EPHB1: variants seen among roughly 807,000 people sequenced by gnomAD.
EPHB1 encodes the protein ephrin type-B receptor 1.
A neutral mutation model predicts 94.4 loss-of-function variants in EPHB1; 30 were observed. The observed-to-expected ratio is 0.32, with a 90% CI of 0.24 to 0.43. EPHB1 has a LOEUF of 0.43. EPHB1 is among the 20% of genes least tolerant of loss of function. The pLI is 1.00. For missense variants in EPHB1, 1,055 were observed against 1,308.3 expected (o/e 0.81, Z 2.99); for synonymous variants, 522 against 489.1 (o/e 1.07, Z -0.89).
intron 1 of EPHB1, among the ~76,000 whole-genome samples, chr3:134,805,238 C>G (rs1052253022): frequency 6.6e-6 from 1 of 152,112 alleles, no homozygotes; most frequent in East Asian, 1.9e-4. Context: ...ACCAGAAAGC[C>G]CATCCGGGGA....
At chr3:135,258,073 C>T (rs1295408761) in intron 15 of EPHB1, among the ~76,000 whole-genome samples, 1 of 152,124 alleles carries the variant, frequency 6.6e-6, no homozygotes, top group African/African-American at 2.4e-5. Flanking sequence ...TGCTTCGGCT[C>T]GTGCACGCAC....
intron 6 of EPHB1, among the ~76,000 whole-genome samples, chr3:135,156,555 C>T (rs987827366): frequency 8.5e-5 from 13 of 152,176 alleles, no homozygotes; most frequent in Non-Finnish European, 1.3e-4. Flanking sequence ...TCCCTGAAAG[C>T]GGAGGTCTAG....
chr3:135,167,599 C>T (rs543209467), intron 9 of EPHB1, among the ~76,000 whole-genome samples: 26 of 152,268 alleles, frequency 1.7e-4, no homozygotes, highest in African/African-American at 5.5e-4. Context: ...CACCAAGGTG[C>T]AACATAAAGT....
At chr3:134,926,881 G>A (rs903491011) in intron 2 of EPHB1, among the ~76,000 whole-genome samples, 2 of 152,186 alleles carry the variant, frequency 1.3e-5, no homozygotes, top group African/African-American at 4.8e-5. Flanking sequence ...GATATGCAGA[G>A]GCTAGTTTGA....
At chr3:134,881,498 G>A (rs920043685) in intron 1 of EPHB1, among the ~76,000 whole-genome samples, 4 of 152,068 alleles carry the variant, frequency 2.6e-5, no homozygotes, top group Non-Finnish European at 4.4e-5. Flanking sequence ...CTCACCTGGG[G>A]CCCCACCTGC....
intron 1 of EPHB1, among the ~76,000 whole-genome samples, chr3:134,893,945 A>G (rs2038037625): frequency 6.6e-6 from 1 of 152,236 alleles, no homozygotes; most frequent in Admixed American, 6.5e-5. Context: ...GAAGGCAGGA[A>G]TGAATGCCAA....
intron 3 of EPHB1, among the ~76,000 whole-genome samples, chr3:135,015,123 C>T (rs917141310): frequency 6.6e-6 from 1 of 152,154 alleles, no homozygotes; most frequent in African/African-American, 2.4e-5. Flanking sequence ...CGTGGCCATT[C>T]CAGCAACTGC....
chr3:134,865,167 C>A (rs2037348397), intron 1 of EPHB1, among the ~76,000 whole-genome samples: 1 of 152,034 alleles, frequency 6.6e-6, no homozygotes, highest in African/African-American at 2.4e-5. Flanking sequence ...ATTCCCAAAA[C>A]AATGCTTACC....
chr3:134,994,292 A>C (rs76678996), intron 3 of EPHB1, among the ~76,000 whole-genome samples: 1 of 152,364 alleles, frequency 6.6e-6, no homozygotes, highest in East Asian at 1.9e-4. Flanking sequence ...ATGAAATATC[A>C]TGATAGTGGG....
chr3:134,962,270 A>T (rs912178102), intron 3 of EPHB1, among the ~76,000 whole-genome samples: 1 of 152,228 alleles, frequency 6.6e-6, no homozygotes, highest in South Asian at 2.1e-4. Flanking sequence ...AGACTCAAGC[A>T]TTCCAGTAGA....
At position 135,106,532 on chromosome 3, in the gene EPHB1, C is replaced by G; in HGVS notation, c.890C>G (p.Ala297Gly). 1 of 1,614,048 alleles carries G rather than the reference C, an allele frequency of 6.2e-7. No homozygotes were observed. Among genetic ancestry groups the G allele is most frequent in the East Asian group, 2.2e-5 (1 of 44,884 alleles). Residue 297 changes from alanine to glycine, a missense_variant, in exon 4 of 16, where the codon GCG becomes GGG. Coordinates refer to ENST00000398015, the MANE Select transcript of EPHB1 (RefSeq NM_004441.5). ...CPSNSRSPAE[A>G]SPICTCRTGY... ...TCCAACAGCCGCTCCCCTGCAGAGG[C>G]GTCTCCCATCTGCACCTGTCGGACC...
At chr3:134,938,796 G>T (rs572280796) in intron 2 of EPHB1, among the ~76,000 whole-genome samples, 3 of 152,126 alleles carry the variant, frequency 2.0e-5, no homozygotes, top group Non-Finnish European at 4.4e-5. Context: ...TCACGAGATA[G>T]GTACTATTAG....
At chr3:134,804,009 T>A (rs1227315100) in intron 1 of EPHB1, among the ~76,000 whole-genome samples, 1 of 151,916 alleles carries the variant, frequency 6.6e-6, no homozygotes, top group East Asian at 1.9e-4. Context: ...CATTTCCCTG[T>A]TACACATTGC....
intron 1 of EPHB1, among the ~76,000 whole-genome samples, chr3:134,848,811 C>T (rs2036923243): frequency 6.6e-6 from 1 of 152,206 alleles, no homozygotes; most frequent in South Asian, 2.1e-4. Flanking sequence ...TTGCAGCCCA[C>T]TAAATCTTGT....
intron 12 of EPHB1, among the ~76,000 whole-genome samples, chr3:135,202,434 A>G (rs1221808427): frequency 1.3e-5 from 2 of 152,082 alleles, no homozygotes; most frequent in East Asian, 3.9e-4. Flanking sequence ...AGGGTACCAA[A>G]AAATCTATCC....
chr3:135,061,624 T>G (rs1411875103), intron 3 of EPHB1, among the ~76,000 whole-genome samples: 1 of 152,038 alleles, frequency 6.6e-6, no homozygotes, highest in Non-Finnish European at 1.5e-5. Flanking sequence ...TACTTTAAGT[T>G]TTAGGGTACA....
chr3:134,812,714 A>G (rs753224914), intron 1 of EPHB1, among the ~76,000 whole-genome samples: 3 of 152,150 alleles, frequency 2.0e-5, no homozygotes, highest in Non-Finnish European at 4.4e-5. Flanking sequence ...AGTGTCTTGC[A>G]TTTCCTCCAG....
At chr3:135,250,120 G>T (rs1268215710) in intron 15 of EPHB1, among the ~76,000 whole-genome samples, 1 of 152,148 alleles carries the variant, frequency 6.6e-6, no homozygotes, top group Admixed American at 6.5e-5. Flanking sequence ...TTGGAAAAAA[G>T]GTCCCACTGT....
chr3:134,855,982 G>A (rs2037108108), intron 1 of EPHB1, among the ~76,000 whole-genome samples: 2 of 152,192 alleles, frequency 1.3e-5, no homozygotes, highest in Admixed American at 6.5e-5. Context: ...CTACTAAAGG[G>A]TGGAGTCAGG....
Sources: gnomAD v4.1 joint callset for allele counts (sites outside exome capture counted in the v4.1 genomes callset) on GRCh38, gnomAD v4.1.1 for gene constraint, MANE v1.5 for transcripts, NCBI Gene and HGNC (gene_info 2026-07-23, HGNC 2026-07-21) for gene names.